HNF1B: variants seen among roughly 807,000 people sequenced by gnomAD.
HNF1B encodes the protein HNF1 homeobox B.
A neutral mutation model predicts 61.7 loss-of-function variants in HNF1B; 8 were observed. The observed-to-expected ratio is 0.13, with a 90% confidence interval of 0.08 to 0.23. HNF1B has a LOEUF of 0.23. Ranked by LOEUF, HNF1B falls within the 10% of genes least tolerant of loss-of-function variation. The pLI, the probability that HNF1B is intolerant of heterozygous loss-of-function variation, is 1.00. For synonymous variants in HNF1B, 314 were observed against 287.7 expected, an observed-to-expected ratio of 1.09 and a Z score of -0.93; for missense variants, 562 against 714.5, an observed-to-expected ratio of 0.79 and a Z score of 2.43.
intron 8 of HNF1B, among the ~76,000 whole-genome samples, chr17:37,691,411 C>T (rs1310165746): frequency 6.6e-6 from 1 of 152,154 alleles, no homozygotes; most frequent in Non-Finnish European, 1.5e-5. Context: ...GGTCTCACAA[C>T]AGCAAGGCTT....
chr17:37,697,174 C>T (rs2032412332), intron 8 of HNF1B, among the ~76,000 whole-genome samples: 1 of 152,156 alleles, frequency 6.6e-6, no homozygotes, highest in African/African-American at 2.4e-5. Flanking sequence ...TTTCTTTGTA[C>T]TTAGGAGGTT....
rs1328383331 is a variant in HNF1B at position 37,701,016 on chromosome 17, T to C, written c.1501A>G (p.Met501Val). 1 of 1,558,300 alleles carries C rather than the reference T, an allele frequency of 6.4e-7. No homozygotes were observed. The highest frequency in any genetic ancestry group is 8.7e-7 in the Non-Finnish European group (1 of 1,150,536). ...PGSHMAQQPF[M>V]AAVTQLQNSH... is the part of the protein sequence containing the mutation. ...TTCTGCAGCTGAGTCACAGCTGCCA[T>C]GAAGGGCTGCTGGGCCATGTGGCTG... Residue 501 changes from methionine to valine, a missense_variant, in exon 7 of 9, where the codon ATG (methionine) becomes GTG (valine). Met to Val is a conservative substitution (Grantham distance 21). Around this residue, in one of 6 missense-constraint regions of HNF1B, gnomAD observed 64 missense variants for 96.9 expected, o/e 0.66. Coordinates refer to ENST00000617811, the MANE Select transcript of HNF1B (RefSeq NM_000458.4).
At chr17:37,722,685 C>G (rs561699225) in intron 4 of HNF1B, among the ~76,000 whole-genome samples, 2 of 152,184 alleles carry the variant, frequency 1.3e-5, no homozygotes, top group African/African-American at 4.8e-5. Flanking sequence ...AGCATCGAGT[C>G]CCCCCTTGCC....
intron 4 of HNF1B, chr17:37,731,374 G>C: frequency 4.5e-6 from 3 of 663,904 alleles, no homozygotes; most frequent in Non-Finnish European, 8.3e-6. Context: ...CTCCCTGGAA[G>C]CCGAGTGAGC....
At chr17:37,728,895 A>G in intron 4 of HNF1B, 1 of 154,272 alleles carries the variant, frequency 6.5e-6, no homozygotes, top group Non-Finnish European at 1.4e-5. Flanking sequence ...TTCTAGTTCC[A>G]GGGCCAGGCT....
At chr17:37,731,511 T>C in intron 4 of HNF1B, 84 bp downstream of exon 4, 1 of 1,172,046 alleles carries the variant, frequency 8.5e-7, no homozygotes, top group Non-Finnish European at 1.3e-6. Context: ...TTTGCTCCTC[T>C]GAAAACCCTT....
At chr17:37,687,908 G>C (rs1186199322) in intron 8 of HNF1B, among the ~76,000 whole-genome samples, 2 of 152,148 alleles carry the variant, frequency 1.3e-5, no homozygotes, top group East Asian at 1.9e-4. Context: ...GTGCACCTAA[G>C]AGTCTGCATT....
chr17:37,699,235 A>C, intron 7 of HNF1B, 41 bp from the exon 8 acceptor site: 2 of 1,483,122 alleles, frequency 1.3e-6, no homozygotes, highest in Non-Finnish European at 1.9e-6. Flanking sequence ...GTGCATACAC[A>C]GGCAAAGACA....
At chr17:37,713,185 C>A (rs2032993347) in intron 4 of HNF1B, among the ~76,000 whole-genome samples, 1 of 152,086 alleles carries the variant, frequency 6.6e-6, no homozygotes, top group Non-Finnish European at 1.5e-5. Flanking sequence ...CGCTGGGAGT[C>A]AGTTGTGTTT....
chr17:37,699,915 C>A (rs1382636102), intron 7 of HNF1B, among the ~76,000 whole-genome samples: 1 of 152,216 alleles, frequency 6.6e-6, no homozygotes, highest in Non-Finnish European at 1.5e-5. Context: ...GGAAGAAACA[C>A]AAACCTCTTT....
chr17:37,714,612 C>T (rs2033043847), intron 4 of HNF1B, among the ~76,000 whole-genome samples: 2 of 152,230 alleles, frequency 1.3e-5, no homozygotes, highest in Non-Finnish European at 2.9e-5. Flanking sequence ...GGAGTTGAGA[C>T]ATCCCTGAGG....
Position 37,704,954 on chromosome 17 carries a change from G to C in HNF1B, c.1302C>G (p.Ile434Met). 1 of 1,614,132 alleles carries C rather than the reference G, an allele frequency of 6.2e-7. No individual in the cohort carries two copies. Among genetic ancestry groups the C allele is most frequent in the Non-Finnish European group, 8.5e-7 (1 of 1,180,006 alleles). ...CCATGACTCCAGAGAGGGGTGTCAT[G>C]ATGAGGTTTTGAGATTGCTGGGGAT... is the stretch of plus-strand genomic sequence containing the variant. ...HHNPQQSQNL[I>M]MTPLSGVMAI... The change falls in exon 6 of 9, where the codon ATC (isoleucine) becomes ATG (methionine). Residue 434 changes from isoleucine (I) to methionine (M), a missense_variant. Coordinates refer to ENST00000617811, the MANE Select transcript of HNF1B (RefSeq NM_000458.4).
chr17:37,712,892 G>A (rs2032982594), intron 4 of HNF1B, among the ~76,000 whole-genome samples: 2 of 152,186 alleles, frequency 1.3e-5, no homozygotes, highest in South Asian at 4.1e-4. Context: ...TGGACCCCAA[G>A]ATATTTGCCC....
intron 5 of HNF1B, among the ~76,000 whole-genome samples, chr17:37,708,487 C>A (rs1408663348): frequency 6.6e-6 from 1 of 152,166 alleles, no homozygotes; most frequent in Non-Finnish European, 1.5e-5. Context: ...AGGCAGCTTG[C>A]CTCTTAGAAG....
chr17:37,720,889 G>A (rs2033291710), intron 4 of HNF1B: 1 of 985,240 alleles, frequency 1.0e-6, no homozygotes, highest in Non-Finnish European at 1.2e-6. Flanking sequence ...CTGGCTGTAG[G>A]GTTGTAGACA....
At chr17:37,739,998 G>A (rs2033948418) in intron 1 of HNF1B, among the ~76,000 whole-genome samples, 1 of 151,550 alleles carries the variant, frequency 6.6e-6, no homozygotes, top group Admixed American at 6.6e-5. Flanking sequence ...GTGGAGTTTT[G>A]CTCTTGTCAC....
At chr17:37,698,528 AC>A in intron 8 of HNF1B, among the ~76,000 whole-genome samples, 1 of 152,230 alleles carries the variant, frequency 6.6e-6, no homozygotes, top group South Asian at 2.1e-4. Context: ...GTGGATGCTT[AC>A]CCCTGGAAAA....
In HNF1B at chr17:37,731,818, C is replaced by G; in HGVS notation, c.822G>C (p.Leu274Phe). The change falls in exon 4 of 9, where the codon TTG becomes TTC. Residue 274 changes from leucine (L) to phenylalanine (F), a missense_variant. Leu to Phe is a conservative substitution (Grantham distance 22). This residue lies in a region of HNF1B where 54 missense variants were observed against 122.1 expected (regional missense o/e 0.44). Transcript: ENST00000617811. ...CTTTGGAGGGGGACACCCCTCGCTG[C>G]AAACATTCTGCCCTGGGAATGGATG... is the stretch of plus-strand genomic sequence containing the variant. ...LVEECNRAEC[L>F]QRGVSPSKAH... 6.8e-7 allele frequency: 1 copy of G among 1,480,298 alleles called. No individual in the cohort carries two copies. The highest frequency in any genetic ancestry group is 9.2e-7 in the Non-Finnish European group (1 of 1,083,252). 91.7% of individuals were successfully genotyped at this position (1,480,298 alleles called of 1,614,324 possible).
chr17:37,719,944 T>A, intron 4 of HNF1B, among the ~76,000 whole-genome samples: 1 of 152,190 alleles, frequency 6.6e-6, no homozygotes, highest in Non-Finnish European at 1.5e-5. Flanking sequence ...AGCCTCTTCA[T>A]CACTGTCACA....
Sources: allele counts gnomAD v4.1 joint callset (sites outside exome capture counted in the v4.1 genomes callset), GRCh38; gene constraint gnomAD v4.1.1; regional missense constraint gnomAD v4.1.1; transcripts MANE v1.5; gene names NCBI Gene and HGNC (gene_info 2026-07-23, HGNC 2026-07-21).